PRDM11: variants seen among roughly 807,000 people sequenced by gnomAD.
PRDM11 encodes the protein PR domain-containing protein 11.
PRDM11 carries 20 observed loss-of-function variants against 97.8 expected under a neutral mutation model. That is an observed-to-expected ratio of 0.20 (90% confidence interval 0.14 to 0.30). The LOEUF (loss-of-function observed/expected upper bound fraction) is 0.30, where lower values mean the gene tolerates loss of function less well. Among genes scored for constraint, PRDM11 ranks in the 10% least tolerant of loss-of-function variants. The pLI, the probability that PRDM11 is intolerant of heterozygous loss-of-function variation, is 1.00. For missense variants in PRDM11, 1,139 were observed against 1,555.2 expected (o/e 0.73, Z 4.50); for synonymous variants, 599 against 637.7 (o/e 0.94, Z 0.91).
At chr11:45,225,519 G>T (rs182240008) in intron 7 of PRDM11, among the ~76,000 whole-genome samples, 2 of 152,282 alleles carry the variant, frequency 1.3e-5, no homozygotes, top group Admixed American at 1.3e-4. Flanking sequence ...TGTATTCAAA[G>T]CATGCGTCTG....
At chr11:45,115,302 T>C (rs1852277268) in intron 1 of PRDM11, among the ~76,000 whole-genome samples, 1 of 152,052 alleles carries the variant, frequency 6.6e-6, no homozygotes, top group Non-Finnish European at 1.5e-5. Context: ...GAGGTTTTGC[T>C]AATGCAAAGA....
chr11:45,099,022 G>A (rs758431386), intron 1 of PRDM11, among the ~76,000 whole-genome samples: 2 of 152,158 alleles, frequency 1.3e-5, no homozygotes, highest in Non-Finnish European at 2.9e-5. Context: ...ACTGGAGAGG[G>A]ATCATTGGCA....
intron 1 of PRDM11, among the ~76,000 whole-genome samples, chr11:45,112,818 C>T (rs747703783): frequency 6.6e-6 from 1 of 151,066 alleles, no homozygotes; most frequent in Admixed American, 6.6e-5. Flanking sequence ...GTGTTTCTTG[C>T]TAATTTGACT....
rs1409238437 is a variant in PRDM11, at chr11:45,168,582, C to T, written c.-6-13179C>T. On this transcript the variant is annotated intron_variant, in intron 1 of 7. Coordinates refer to ENST00000683152, the MANE Select transcript of PRDM11 (RefSeq NM_001384648.1). The stretch of plus-strand genomic sequence containing the variant: ...TTGTCTAGAAAGGTGGGGCTTGGGT[C>T]AGGGCATCTCTGGGCATCCTTTCAG... Among the ~76,000 whole-genome samples the T allele has an allele frequency of 2.0e-5, 3 of 152,168 alleles. No homozygotes were observed. The East Asian group carries it at 5.8e-4, about 29-fold the overall frequency.
chr11:45,193,691 G>A (rs891783454), intron 4 of PRDM11, among the ~76,000 whole-genome samples: 1 of 152,192 alleles, frequency 6.6e-6, no homozygotes, highest in South Asian at 2.1e-4. Context: ...AACAGGTGGT[G>A]GGCTGGAATT....
At chr11:45,117,995 T>C (rs1299481499) in intron 1 of PRDM11, among the ~76,000 whole-genome samples, 1 of 152,108 alleles carries the variant, frequency 6.6e-6, no homozygotes, top group African/African-American at 2.4e-5. Context: ...AACTGTGATT[T>C]TCCACCCAAT....
At chr11:45,162,163 C>T (rs1484476822) in intron 1 of PRDM11, among the ~76,000 whole-genome samples, 2 of 152,172 alleles carry the variant, frequency 1.3e-5, no homozygotes, top group African/African-American at 2.4e-5. Context: ...AGCCCTGGAC[C>T]CTCTGGGTAC....
chr11:45,095,817 G>T (rs1473811230), exon 1 of PRDM11: 1 of 770,294 alleles, frequency 1.3e-6, no homozygotes, highest in Non-Finnish European at 2.4e-6. Context: ...TGTTGAAGAT[G>T]GCAGAGCCAA....
intron 1 of PRDM11, among the ~76,000 whole-genome samples, chr11:45,176,590 GTT>G (rs1852333690): frequency 6.6e-6 from 1 of 152,198 alleles, no homozygotes; most frequent in African/African-American, 2.4e-5. Flanking sequence ...AGGTTACACA[GTT>G]TGTGAGTGGC....
At chr11:45,126,107 T>C (rs1256882436) in intron 1 of PRDM11, among the ~76,000 whole-genome samples, 1 of 152,202 alleles carries the variant, frequency 6.6e-6, no homozygotes, top group Non-Finnish European at 1.5e-5. Flanking sequence ...GCCTTGTCTC[T>C]TTGGATCTTT....
intron 4 of PRDM11, among the ~76,000 whole-genome samples, chr11:45,186,107 T>C (rs1025718259): frequency 2.0e-5 from 3 of 152,214 alleles, no homozygotes; most frequent in African/African-American, 7.2e-5. Flanking sequence ...ATTGTAGGAC[T>C]TCTGACCTCT....
chr11:45,113,822 GTGTTTTGT>G lies in PRDM11; in HGVS notation c.96+17923_96+17930del, dbSNP rs1269134007. 2.1e-4 allele frequency among the ~76,000 whole-genome samples: 15 copies of G among 71,452 alleles called. 1 individual carries two copies. The highest frequency in any genetic ancestry group is 6.4e-4 in the African/African-American group (13 of 20,330). The allele number at this position is 71,452 out of a possible 152,430, so 46.9% of individuals were successfully genotyped here. On this transcript the variant is annotated intron_variant, in intron 1 of 6. Transcript: ENST00000530656. ...TGTGTGTGTGTGTGTGTGTGTGTGTGTGTTTTGTTTTTTTTTTTTTTTACAAAAAATCA... is the reference window on the plus strand; with the variant it reads ...TGTGTGTGTGTGTGTGTGTGTGTGTGTTTTTTTTTTTTTTACAAAAAATCA...
chr11:45,227,341 T>A lies in PRDM11; in HGVS notation c.2716T>A (p.Ser906Thr), dbSNP rs1295824426. 1 of 1,533,920 alleles carries A rather than the reference T, an allele frequency of 6.5e-7. No homozygotes were observed. The highest frequency in any genetic ancestry group is 8.7e-7 in the Non-Finnish European group (1 of 1,146,728). The change falls in exon 8 of 8, where the codon TCC (serine) becomes ACC (threonine). Residue 906 changes from serine to threonine, a missense_variant. Around this residue, in one of 2 missense-constraint regions of PRDM11, gnomAD observed 710 missense variants for 1,044.9 expected, o/e 0.68. Transcript: ENST00000683152. The surrounding 1 kb of genome is among the most constrained non-coding windows in gnomAD (Gnocchi z 8.0). ...YIFQGEYLLV[S>T]QVDDKIEEAI... ...CTTCCAGGGCGAGTACCTGCTGGTG[T>A]CCCAGGTGGATGACAAGATCGAGGA...
chr11:45,118,331 A>G (rs1369068143), intron 1 of PRDM11, among the ~76,000 whole-genome samples: 2 of 152,228 alleles, frequency 1.3e-5, no homozygotes, highest in East Asian at 3.8e-4. Flanking sequence ...TGTAACAAAT[A>G]TAGTTATGTA....
At chr11:45,115,546 G>A (rs906792625) in intron 1 of PRDM11, among the ~76,000 whole-genome samples, 1 of 152,094 alleles carries the variant, frequency 6.6e-6, no homozygotes, top group Admixed American at 6.6e-5. Context: ...AGAACCAATT[G>A]TGTTCTCTAT....
chr11:45,096,911 T>C (rs1477060427), intron 1 of PRDM11, among the ~76,000 whole-genome samples: 18 of 152,244 alleles, frequency 1.2e-4, no homozygotes, highest in Non-Finnish European at 1.5e-5. Context: ...ATGATCTTCA[T>C]GCCAATCCTG....
At chr11:45,202,950 G>A (rs1853381517) in intron 4 of PRDM11, among the ~76,000 whole-genome samples, 1 of 152,090 alleles carries the variant, frequency 6.6e-6, no homozygotes, top group African/African-American at 2.4e-5. Context: ...GGAAGTGAGA[G>A]GCCCAGGGTA....
At chr11:45,198,877 T>C (rs1384331663) in intron 4 of PRDM11, among the ~76,000 whole-genome samples, 2 of 152,180 alleles carry the variant, frequency 1.3e-5, no homozygotes, top group Non-Finnish European at 2.9e-5. Context: ...AGACCCAAGT[T>C]TAAACTCCAG....
At chr11:45,212,724 T>C (rs1260063157) in intron 5 of PRDM11, 1 of 456,316 alleles carries the variant, frequency 2.2e-6, no homozygotes, top group African/African-American at 2.0e-5. Context: ...CTCCTCCACG[T>C]CCATGCCCAG....
Sources: allele counts gnomAD v4.1 joint callset (sites outside exome capture counted in the v4.1 genomes callset), GRCh38; gene constraint gnomAD v4.1.1; regional missense constraint gnomAD v4.1.1; non-coding constraint Gnocchi (gnomAD v3.1); transcripts MANE v1.5; gene names NCBI Gene and HGNC (gene_info 2026-07-23, HGNC 2026-07-21).